Variants in CDC42BPA observed in about 807,000 individuals in gnomAD.
CDC42BPA encodes serine/threonine-protein kinase MRCK alpha.
A neutral mutation model predicts 223.5 loss-of-function variants in CDC42BPA; 80 were observed. That is an observed-to-expected ratio of 0.36 (90% CI 0.30 to 0.43). The LOEUF (loss-of-function observed/expected upper bound fraction) is 0.43. Among genes scored for constraint, CDC42BPA ranks in the 20% least tolerant of loss-of-function variants. The pLI is 1.00. For synonymous variants in CDC42BPA, 694 were observed against 718.6 expected (o/e 0.97, Z 0.55); for missense variants, 1,743 against 2,099.9 (o/e 0.83, Z 3.32).
Position 227,047,921 on chromosome 1 carries a change from G to A in CDC42BPA, c.3093+6C>T, listed in dbSNP as rs1672782377. 1.3e-6 allele frequency: 2 copies of A among 1,565,864 alleles called. No individual in the cohort carries two copies. The highest frequency in any genetic ancestry group is 1.7e-4 in the Middle Eastern group (1 of 5,974). ...AACACACTATGCTTATAACTAGATT[G>A]AGTACCTTAGGTGGAAAGCCAGTTG... On this transcript the variant is annotated splice_donor_region_variant and intron_variant, in intron 23 of 36. Coordinates refer to ENST00000366766, the MANE Select transcript of CDC42BPA (RefSeq NM_001394014.1).
Position 226,994,675 on chromosome 1 carries a change from G to T in CDC42BPA, c.5133+148C>A. The T allele has an allele frequency of 2.3e-6, 2 of 864,186 alleles. No individual in the cohort carries two copies. The highest frequency in any genetic ancestry group is 1.7e-5 in the South Asian group (1 of 57,604). The allele number at this position is 864,186 out of a possible 1,614,324, so 53.5% of individuals were successfully genotyped here. On this transcript the variant is annotated intron_variant, in intron 36 of 36. Coordinates refer to ENST00000366766, the MANE Select transcript of CDC42BPA (RefSeq NM_001394014.1). The surrounding 1 kb of genome is among the most constrained non-coding windows in gnomAD (Gnocchi z 4.0). ...ACTGCAGTTTGCAGCCCGAGTGACT[G>T]GCCTAGCTGCCCGCTGGCCAAGAGT...
chr1:227,039,478 AT>A (rs1017077891), intron 24 of CDC42BPA, among the ~76,000 whole-genome samples: 1 of 152,212 alleles, frequency 6.6e-6, no homozygotes, highest in Non-Finnish European at 1.5e-5. Context: ...ATGTTCCATT[AT>A]AATTTAAACC....
At chr1:227,275,601 C>G (rs1433869844) in intron 1 of CDC42BPA, among the ~76,000 whole-genome samples, 1 of 150,834 alleles carries the variant, frequency 6.6e-6, no homozygotes, top group African/African-American at 2.4e-5. Flanking sequence ...CCCCCTCCCC[C>G]TCTCCCCCTC....
chr1:227,246,732 C>T, intron 2 of CDC42BPA, among the ~76,000 whole-genome samples: 1 of 152,012 alleles, frequency 6.6e-6, no homozygotes, highest in South Asian at 2.1e-4. Context: ...TACAAACAAG[C>T]CCAGACTGCA....
At chr1:227,276,503 C>A (rs1452773177) in intron 1 of CDC42BPA, among the ~76,000 whole-genome samples, 1 of 150,066 alleles carries the variant, frequency 6.7e-6, no homozygotes, top group Non-Finnish European at 1.5e-5. Context: ...TGGGGGGCAG[C>A]CCCCTCCCGG....
At chr1:227,138,569 T>C (rs1319968175) in intron 10 of CDC42BPA, among the ~76,000 whole-genome samples, 1 of 122,932 alleles carries the variant, frequency 8.1e-6, no homozygotes, top group African/African-American at 3.0e-5. Flanking sequence ...AAAAGGTCCA[T>C]AGGGTCAAAT....
At chr1:227,273,750 A>C (rs781078836) in intron 1 of CDC42BPA, among the ~76,000 whole-genome samples, 6 of 151,906 alleles carry the variant, frequency 3.9e-5, no homozygotes, top group East Asian at 1.9e-4. Flanking sequence ...CCTCCATGAA[A>C]TGTTAGGACA....
chr1:227,112,836 G>C lies in CDC42BPA; in HGVS notation c.1725C>G (p.Ala575=). 5.6e-6 allele frequency: 9 copies of C among 1,614,008 alleles called. No homozygotes were observed. The highest frequency in any genetic ancestry group is 5.9e-6 in the Non-Finnish European group (7 of 1,179,966). The change falls in exon 13 of 37, where the codon GCC becomes GCG. Residue 575 remains alanine (A), a synonymous_variant. Coordinates refer to ENST00000366766, the MANE Select transcript of CDC42BPA (RefSeq NM_001394014.1). ...LKDAHCQRKL[A]MQEFMEINER... ...CATTGATCTCCATGAATTCCTGCAT[G>C]GCCAGTTTCCTCTGACAGTGTGCGT... is the stretch of plus-strand genomic sequence containing the variant.
At chr1:227,041,051 T>C (rs954217542) in intron 23 of CDC42BPA, among the ~76,000 whole-genome samples, 3 of 152,184 alleles carry the variant, frequency 2.0e-5, no homozygotes, top group Non-Finnish European at 2.9e-5. Context: ...CAAAACAGGA[T>C]AAATAATAGT....
intron 2 of CDC42BPA, among the ~76,000 whole-genome samples, chr1:227,245,480 A>G (rs1162447905): frequency 6.6e-6 from 1 of 151,884 alleles, no homozygotes; most frequent in Non-Finnish European, 1.5e-5. Context: ...TAGTAGAGAC[A>G]GGGTTTCACC....
At chr1:227,164,752 T>G (rs1430943651) in intron 5 of CDC42BPA, among the ~76,000 whole-genome samples, 3 of 152,242 alleles carry the variant, frequency 2.0e-5, no homozygotes, top group Non-Finnish European at 4.4e-5. Context: ...TTTTAAAAAT[T>G]CAGACTCTGG....
intron 14 of CDC42BPA, among the ~76,000 whole-genome samples, chr1:227,110,405 G>A (rs370782746): frequency 3.1e-4 from 47 of 152,184 alleles, no homozygotes; most frequent in Non-Finnish European, 4.7e-4. Flanking sequence ...ACACAGAGAT[G>A]TGTTTGGCAA....
chr1:227,025,040 C>T (rs960944216), intron 31 of CDC42BPA, among the ~76,000 whole-genome samples: 2 of 152,072 alleles, frequency 1.3e-5, no homozygotes, highest in South Asian at 2.1e-4. Flanking sequence ...GTAAGAAGTT[C>T]GAGGCCAGCC....
intron 34 of CDC42BPA, among the ~76,000 whole-genome samples, chr1:227,005,984 C>T (rs931206689): frequency 3.3e-5 from 5 of 152,150 alleles, no homozygotes; most frequent in African/African-American, 1.2e-4. Flanking sequence ...TTTTTCAGAC[C>T]AGGAGGATGA....
intron 10 of CDC42BPA, 133 bp downstream of exon 10, chr1:227,139,443 A>T (rs1659270583): frequency 1.8e-6 from 1 of 568,744 alleles, no homozygotes; most frequent in South Asian, 2.8e-5. Flanking sequence ...TGTGTTCTGC[A>T]TACATCTCTA....
chr1:227,267,702 G>A (rs143598506), intron 1 of CDC42BPA, among the ~76,000 whole-genome samples: 1 of 152,290 alleles, frequency 6.6e-6, no homozygotes, highest in African/African-American at 2.4e-5. Context: ...GAAAAGGGAA[G>A]CAAGCACCTT....
chr1:227,194,607 G>A (rs1307593023), intron 4 of CDC42BPA, among the ~76,000 whole-genome samples: 2 of 152,162 alleles, frequency 1.3e-5, no homozygotes, highest in Non-Finnish European at 2.9e-5. Context: ...GATGAGAAGA[G>A]TACATCAAAC....
intron 34 of CDC42BPA, chr1:227,011,086 G>GA: frequency 1.6e-6 from 2 of 1,266,818 alleles, no homozygotes; most frequent in Non-Finnish European, 2.1e-6. Context: ...AAAGAAAGAT[G>GA]AAAAAAGGCA....
intron 24 of CDC42BPA, 34 bp downstream of exon 24, chr1:227,040,097 G>T: frequency 8.4e-7 from 1 of 1,195,490 alleles, no homozygotes; most frequent in Non-Finnish European, 1.3e-6. Flanking sequence ...AATTTAGATA[G>T]TGAAGTCACA....
Sources: allele counts gnomAD v4.1 joint callset (sites outside exome capture counted in the v4.1 genomes callset), GRCh38; gene constraint gnomAD v4.1.1; non-coding constraint Gnocchi (gnomAD v3.1); transcripts MANE v1.5; gene names NCBI Gene and HGNC (gene_info 2026-07-23, HGNC 2026-07-21).